EIF4G3: variants seen among roughly 807,000 people sequenced by gnomAD.
EIF4G3 encodes the protein eIF-4-gamma 3.
EIF4G3 carries 34 observed loss-of-function variants against 186.4 expected under a neutral mutation model. The observed-to-expected ratio is 0.18, with a 90% confidence interval of 0.14 to 0.24. The LOEUF (loss-of-function observed/expected upper bound fraction) is 0.24, where lower values mean the gene tolerates loss of function less well. Among genes scored for constraint, EIF4G3 ranks in the 10% least tolerant of loss-of-function variants. The probability of loss-of-function intolerance (pLI) is 1.00; values close to 1 mark genes in which losing one functional copy is unlikely to be tolerated. For synonymous variants in EIF4G3, 673 were observed against 679.5 expected, an observed-to-expected ratio of 0.99 and a Z score of 0.15; for missense variants, 1,536 against 1,948.5, an observed-to-expected ratio of 0.79 and a Z score of 3.99.
At chr1:21,170,901 T>C (rs549738407) in intron 2 of EIF4G3, among the ~76,000 whole-genome samples, 1 of 150,782 alleles carries the variant, frequency 6.6e-6, no homozygotes, top group African/African-American at 2.4e-5. Context: ...GGCATGAGAA[T>C]CACTTGAACC....
rs1352862733 is a variant in EIF4G3 at position 20,829,129 on chromosome 1, G to T, written c.4187+18C>A. ...CAGTTCTACCTGATATATATCAAGAGAAACAAGTATAACTTACATGGTAAG... is the reference window on the plus strand; with the variant it reads ...CAGTTCTACCTGATATATATCAAGATAAACAAGTATAACTTACATGGTAAG... On this transcript the variant is annotated intron_variant, in intron 31 of 36. Transcript: ENST00000602326. The T allele has an allele frequency of 1.9e-6, 3 of 1,612,268 alleles. No homozygotes were observed. The highest frequency in any genetic ancestry group is 1.3e-5 in the African/African-American group (1 of 74,838).
At chr1:21,047,752 G>A (rs2093977158) in intron 4 of EIF4G3, among the ~76,000 whole-genome samples, 1 of 152,110 alleles carries the variant, frequency 6.6e-6, no homozygotes, top group Non-Finnish European at 1.5e-5. Flanking sequence ...GGGCAGAAGG[G>A]AAGCTTTGCA....
chr1:20,957,682 T>C (rs929318931), intron 12 of EIF4G3, among the ~76,000 whole-genome samples: 1 of 150,682 alleles, frequency 6.6e-6, no homozygotes, highest in Non-Finnish European at 1.5e-5. Flanking sequence ...AGAGAGAAGA[T>C]CCAAATAAGC....
At position 21,050,851 on chromosome 1, in the gene EIF4G3, A is replaced by G. The variant is rs982168793; in HGVS notation, c.-67+15T>C. The G allele has an allele frequency of 7.3e-6, 5 of 689,566 alleles. No homozygotes were observed. Among genetic ancestry groups the G allele is most frequent in the African/African-American group, 5.4e-5 (3 of 55,142 alleles). The allele number at this position is 689,566 out of a possible 1,614,324, so 42.7% of individuals were successfully genotyped here. A position where few individuals can be genotyped will look rare whatever the true frequency, so the allele number is the denominator to read the frequency against. ...CAGGGACATTTCTTATTTTTTTAAA[A>G]AAGGTTTATCTTACTTGAGAGAGTC... On this transcript the variant is annotated intron_variant, in intron 4 of 36. Coordinates refer to ENST00000602326, the MANE Select transcript of EIF4G3 (RefSeq NM_001391906.1).
chr1:21,120,351 T>G (rs905599138), intron 2 of EIF4G3, among the ~76,000 whole-genome samples: 1 of 151,850 alleles, frequency 6.6e-6, no homozygotes, highest in African/African-American at 2.4e-5. Flanking sequence ...CATGTCCTGA[T>G]GTAAAAAAAC....
intron 4 of EIF4G3, among the ~76,000 whole-genome samples, chr1:21,009,843 C>T (rs916021551): frequency 4.0e-5 from 6 of 151,832 alleles, no homozygotes; most frequent in Admixed American, 6.6e-5. Flanking sequence ...TTAGTAGAGA[C>T]GGGGTTTCAC....
chr1:20,988,938 C>T (rs1445371540), intron 7 of EIF4G3, among the ~76,000 whole-genome samples: 2 of 149,936 alleles, frequency 1.3e-5, no homozygotes, highest in African/African-American at 4.9e-5. Flanking sequence ...CAGTGGTGTA[C>T]GACTGGAGTC....
intron 2 of EIF4G3, among the ~76,000 whole-genome samples, chr1:21,133,224 CCTT>C (rs2097185205): frequency 6.6e-6 from 1 of 151,694 alleles, no homozygotes; most frequent in African/African-American, 2.4e-5. Context: ...CCTTCCAAAG[CCTT>C]CTTTCTTTTT....
At chr1:20,841,820 A>G (rs2068693981) in intron 29 of EIF4G3, among the ~76,000 whole-genome samples, 2 of 145,640 alleles carry the variant, frequency 1.4e-5, no homozygotes, top group Middle Eastern at 3.5e-3. Flanking sequence ...TGAATTCACA[A>G]TCTTTTGGTT....
At chr1:21,020,825 T>G (rs1430281627) in intron 4 of EIF4G3, among the ~76,000 whole-genome samples, 1 of 152,208 alleles carries the variant, frequency 6.6e-6, no homozygotes, top group African/African-American at 2.4e-5. Context: ...GTAAGCTTAA[T>G]GCAGAAACTT....
chr1:20,852,083 G>A (rs770553677), intron 27 of EIF4G3, among the ~76,000 whole-genome samples: 3 of 152,146 alleles, frequency 2.0e-5, no homozygotes, highest in Non-Finnish European at 4.4e-5. Context: ...TTTTACTCTT[G>A]TTGCCCAGGC....
chr1:20,892,287 C>A (rs917241686), intron 18 of EIF4G3, among the ~76,000 whole-genome samples: 1 of 152,198 alleles, frequency 6.6e-6, no homozygotes, highest in African/African-American at 2.4e-5. Flanking sequence ...GCTCTCTATG[C>A]CATTCTAACT....
At chr1:20,836,937 A>G (rs950276228) in intron 30 of EIF4G3, among the ~76,000 whole-genome samples, 3 of 152,192 alleles carry the variant, frequency 2.0e-5, no homozygotes, top group African/African-American at 4.8e-5. Flanking sequence ...CTAGGGTCAT[A>G]AAGTATTTAG....
chr1:21,057,488 A>G (rs1199781436), intron 3 of EIF4G3, among the ~76,000 whole-genome samples: 4 of 152,206 alleles, frequency 2.6e-5, no homozygotes, highest in African/African-American at 9.6e-5. Context: ...GTTTAGCAAC[A>G]CTATAAAGAG....
chr1:21,145,889 G>A (rs575829013), intron 2 of EIF4G3, among the ~76,000 whole-genome samples: 1 of 152,124 alleles, frequency 6.6e-6, no homozygotes, highest in East Asian at 1.9e-4. Flanking sequence ...AGACCAGCCT[G>A]GGCAACACAG....
At chr1:20,981,586 T>TACAC (rs1558550205) in intron 8 of EIF4G3, among the ~76,000 whole-genome samples, 1 of 137,200 alleles carries the variant, frequency 7.3e-6, no homozygotes, top group African/African-American at 2.7e-5. Flanking sequence ...ATACTGTATG[T>TACAC]ATACATACAT....
rs1427967397 is a variant in EIF4G3, at chr1:21,043,870, C to CA, written c.-67+6995dup. Among the ~76,000 whole-genome samples, 9 of 141,074 alleles carry CA rather than the reference C, an allele frequency of 6.4e-5. 1 individual carries two copies. Among genetic ancestry groups the CA allele is most frequent in the African/African-American group, 1.6e-4 (6 of 37,424 alleles). 92.6% of individuals were successfully genotyped at this position (141,074 alleles called of 152,430 possible). ...TGGGTGACAGAGTGAAACCTTGGCGCAAAAAAAAAAAAAGGAAGGATGGAA... is the reference window on the plus strand; with the variant it reads ...TGGGTGACAGAGTGAAACCTTGGCGCAAAAAAAAAAAAAAGGAAGGATGGAA... On this transcript the variant is annotated intron_variant, in intron 4 of 36. Coordinates refer to ENST00000602326, the MANE Select transcript of EIF4G3 (RefSeq NM_001391906.1).
At chr1:21,034,438 A>C (rs1056968841) in intron 4 of EIF4G3, among the ~76,000 whole-genome samples, 1 of 152,182 alleles carries the variant, frequency 6.6e-6, no homozygotes, top group African/African-American at 2.4e-5. Flanking sequence ...AATGAGCAGT[A>C]CTCTACACAA....
Position 21,065,354 on chromosome 1 carries a change from T to G in EIF4G3, c.-195-14360A>C, listed in dbSNP as rs1021497749. Among the ~76,000 whole-genome samples the G allele has an allele frequency of 9.3e-4, 131 of 140,714 alleles. 1 individual carries two copies. Among genetic ancestry groups the G allele is most frequent in the Non-Finnish European group, 3.8e-4 (25 of 65,456 alleles). The allele number at this position is 140,714 out of a possible 152,430, so 92.3% of individuals were successfully genotyped here. A position where few individuals can be genotyped will look rare whatever the true frequency, so the allele number is the denominator to read the frequency against. On this transcript the variant is annotated intron_variant, in intron 3 of 36. Transcript: ENST00000602326. Reference sequence around the variant, plus strand: ...GGTAAACAGATTCAAGGCATCCAAGTAGGCTAAACAGCATCAATAAAAGAG... The same window carrying G: ...GGTAAACAGATTCAAGGCATCCAAGGAGGCTAAACAGCATCAATAAAAGAG...
Sources: allele counts gnomAD v4.1 joint callset (sites outside exome capture counted in the v4.1 genomes callset), GRCh38; gene constraint gnomAD v4.1.1; transcripts MANE v1.5; gene names NCBI Gene and HGNC (gene_info 2026-07-23, HGNC 2026-07-21).